The following FNDC7 variants were observed in gnomAD, a reference collection of about 807,000 sequenced individuals.
The protein encoded by FNDC7 is fibronectin type III domain-containing protein 7.
Under a neutral mutation model 74.2 loss-of-function variants are expected in FNDC7, and 66 were observed. The ratio of observed to expected loss-of-function variants is 0.89; its 90% confidence interval spans 0.73 to 1.09. The LOEUF is 1.09. Among genes scored for constraint, FNDC7 ranks in the 50% least tolerant of loss-of-function variants. The pLI is 0.00. For synonymous variants in FNDC7, 307 were observed against 330.2 expected, an observed-to-expected ratio of 0.93 and a Z score of 0.76; for missense variants, 829 against 893.4, an observed-to-expected ratio of 0.93 and a Z score of 0.92.
At chr1:108,713,363 GT>G in intron 1 of FNDC7, 147 bp from the exon 2 acceptor site, 1 of 701,380 alleles carries the variant, frequency 1.4e-6, no homozygotes, top group Non-Finnish European at 2.5e-6. Context: ...AATGATTTGT[GT>G]GGAGAAATAC....
chr1:108,728,586 T>C (rs1484078708), intron 7 of FNDC7, 46 bp from the exon 8 acceptor site: 2 of 1,605,930 alleles, frequency 1.2e-6, no homozygotes, highest in African/African-American at 1.3e-5. Context: ...GCACATGTGA[T>C]ATTTTTGACT....
Position 108,712,997 on chromosome 1 carries a change from G to C in FNDC7, c.63+1G>C, listed in dbSNP as rs1660903368. 6.4e-7 allele frequency: 1 copy of C among 1,550,666 alleles called. No individual in the cohort carries two copies. The highest frequency in any genetic ancestry group is 2.0e-5 in the Admixed American group (1 of 50,992). On this transcript the variant is annotated splice_donor_variant, in intron 1 of 12. Transcript: ENST00000370017. LOFTEE classifies it high-confidence loss of function. ...ATTCATTCTTATCTGTCTTAAAATGGTGAGTTCATCATTCCAACTACCCAC... is the reference window on the plus strand; with the variant it reads ...ATTCATTCTTATCTGTCTTAAAATGCTGAGTTCATCATTCCAACTACCCAC...
intron 4 of FNDC7, 66 bp from the exon 5 acceptor site, chr1:108,722,269 G>A: frequency 7.0e-7 from 1 of 1,430,712 alleles, no homozygotes; most frequent in East Asian, 2.5e-5. Flanking sequence ...CTGCAACATT[G>A]TTATGCCAAC....
intron 10 of FNDC7, 137 bp downstream of exon 10, chr1:108,733,669 T>C (rs1451639502): frequency 3.7e-6 from 3 of 821,790 alleles, no homozygotes; most frequent in Non-Finnish European, 5.4e-6. Flanking sequence ...TTTTTTTTTT[T>C]TGAGACAGTC....
Position 108,728,668 on chromosome 1 carries a change from A to G in FNDC7, c.1406A>G (p.Asp469Gly). ...CSPEIKNVSR[D>G]AFSMINVHWR... ...CCTGAAATAAAAAATGTTTCAAGGG[A>G]TGCATTCTCCATGATTAATGTGCAC... Residue 469 changes from aspartate to glycine, a missense_variant, in exon 8 of 13, where the codon GAT becomes GGT. Coordinates refer to ENST00000370017, the MANE Select transcript of FNDC7 (RefSeq NM_001144937.3). 2 of 1,614,246 alleles carry G rather than the reference A, an allele frequency of 1.2e-6. No homozygotes were observed. The highest frequency in any genetic ancestry group is 1.7e-6 in the Non-Finnish European group (2 of 1,180,036).
chr1:108,727,825 G>T lies in FNDC7; in HGVS notation c.1129G>T (p.Asp377Tyr). 6.2e-7 allele frequency: 1 copy of T among 1,614,110 alleles called. No homozygotes were observed. The highest frequency in any genetic ancestry group is 1.1e-5 in the South Asian group (1 of 91,076). Residue 377 changes from aspartate to tyrosine, a missense_variant, in exon 7 of 13, where the codon GAC (aspartate) becomes TAC (tyrosine). By Grantham distance (160) the Asp-to-Tyr change is radical (BLOSUM62 -3). Transcript: ENST00000370017. ...GCTTTCAGCTCCCTGTTGTCCTAGTGACATTAACCCCGTGTTGGTGTCCAG... is the reference window on the plus strand; with the variant it reads ...GCTTTCAGCTCCCTGTTGTCCTAGTTACATTAACCCCGTGTTGGTGTCCAG... ...NYTTAPCCPS[D>Y]INPVLVSSDR...
Position 108,728,951 on chromosome 1 carries a change from T to C in FNDC7, c.1624+65T>C, listed in dbSNP as rs76130783. ...GGTCCTTATGGAGTGTTTCAAGACA[T>C]GAACTTCCTTATTTAATCTACCCTC... On this transcript the variant is annotated intron_variant, in intron 8 of 12. Coordinates refer to ENST00000370017, the MANE Select transcript of FNDC7 (RefSeq NM_001144937.3). 2.0e-3 allele frequency: 3,150 copies of C among 1,566,844 alleles called. 44 individuals carry two copies. The African/African-American group carries it at 0.037, about 19-fold the overall frequency.
chr1:108,736,897 G>C (rs1661527825), intron 10 of FNDC7, among the ~76,000 whole-genome samples: 1 of 151,758 alleles, frequency 6.6e-6, no homozygotes, highest in Admixed American at 6.6e-5. Context: ...CCATGTGCCA[G>C]GCACTGTTCT....
At chr1:108,726,804 G>A (rs1661228884) in intron 6 of FNDC7, among the ~76,000 whole-genome samples, 1 of 152,190 alleles carries the variant, frequency 6.6e-6, no homozygotes, top group Non-Finnish European at 1.5e-5. Context: ...TAAAAGTCTA[G>A]CTGAATTACA....
At chr1:108,713,434 C>G in intron 1 of FNDC7, 77 bp from the exon 2 acceptor site, 1 of 1,200,040 alleles carries the variant, frequency 8.3e-7, no homozygotes, top group Non-Finnish European at 1.2e-6. Flanking sequence ...AATTTATTAC[C>G]GCTTTTATTC....
At chr1:108,730,529 A>AAAGG (rs1173208330) in intron 8 of FNDC7, 145 bp from the exon 9 acceptor site, 11 of 939,800 alleles carry the variant, frequency 1.2e-5, no homozygotes, top group Non-Finnish European at 1.5e-5. Flanking sequence ...GGAATGAACA[A>AAAGG]AAGGAAATTT....
chr1:108,742,072 C>G lies in FNDC7; in HGVS notation c.*185C>G. On this transcript the variant is annotated 3_prime_UTR_variant, in exon 13 of 13. Transcript: ENST00000370017. ...AGGGCAAGGTCAGGTGTGTCCTCAC[C>G]TGCACAGCAGTTGGAGATCTGCTAT... 1 of 501,034 alleles carries G rather than the reference C, an allele frequency of 2.0e-6. No homozygotes were observed. Among genetic ancestry groups the G allele is most frequent in the Non-Finnish European group, 3.6e-6 (1 of 281,454 alleles). The allele number at this position is 501,034 out of a possible 1,614,324, so 31.0% of individuals were successfully genotyped here.
intron 10 of FNDC7, among the ~76,000 whole-genome samples, chr1:108,733,887 T>C (rs983001225): frequency 6.6e-6 from 1 of 152,010 alleles, no homozygotes; most frequent in Admixed American, 6.6e-5. Context: ...TGACCTCAGG[T>C]GATCCTCCTG....
intron 11 of FNDC7, among the ~76,000 whole-genome samples, chr1:108,739,533 C>T (rs1377906796): frequency 6.6e-6 from 1 of 152,174 alleles, no homozygotes; most frequent in Non-Finnish European, 1.5e-5. Context: ...TAGAAATGTA[C>T]AGTCTTGGGC....
intron 3 of FNDC7, among the ~76,000 whole-genome samples, chr1:108,718,351 GCA>G (rs771931966): frequency 0.021 from 3,129 of 152,330 alleles, 39 homozygotes; most frequent in Admixed American, 0.035. Context: ...GGATTTTGCT[GCA>G]CTCTGACCGT....
chr1:108,740,618 G>C (rs929340792), intron 11 of FNDC7, among the ~76,000 whole-genome samples: 3 of 152,032 alleles, frequency 2.0e-5, no homozygotes, highest in Admixed American at 2.0e-4. Context: ...GTGAGCCACC[G>C]CACCGGCCAT....
At chr1:108,732,707 T>C (rs1033171042) in intron 9 of FNDC7, among the ~76,000 whole-genome samples, 15 of 152,084 alleles carry the variant, frequency 9.9e-5, no homozygotes, top group African/African-American at 3.6e-4. Flanking sequence ...TCTCTCTTTC[T>C]TTCTTTCCCT....
chr1:108,730,793 C>G lies in FNDC7; in HGVS notation c.1744C>G (p.Gln582Glu). Residue 582 changes from glutamine (Q) to glutamate (E), a missense_variant, in exon 9 of 13, where the codon CAG becomes GAG. Coordinates refer to ENST00000370017, the MANE Select transcript of FNDC7 (RefSeq NM_001144937.3). Reference protein sequence around the residue: ...HVAVLESHTGQSKCHTHQNHC... With the variant: ...HVAVLESHTGESKCHTHQNHC... ...TGCAGTTCTGGAGTCACACACTGGACAGTCTAAGTGTCACACTCATCAAAA... is the reference window on the plus strand; with the variant it reads ...TGCAGTTCTGGAGTCACACACTGGAGAGTCTAAGTGTCACACTCATCAAAA... The G allele has an allele frequency of 6.2e-7, 1 of 1,614,086 alleles. No individual in the cohort carries two copies. Among genetic ancestry groups the G allele is most frequent in the Non-Finnish European group, 8.5e-7 (1 of 1,180,004 alleles).
Position 108,725,833 on chromosome 1 carries a change from GACT to G in FNDC7, c.945_947del (p.Tyr316del), listed in dbSNP as rs754484891. The G allele has an allele frequency of 6.4e-7, 1 of 1,567,596 alleles. No homozygotes were observed. The highest frequency in any genetic ancestry group is 1.4e-5 in the African/African-American group (1 of 72,124). ...GGCTTGGTCCAGTGTAGATCTGGGT[GACT>G]ACTATGTGGTCTTTGTGAAGAGTGA... On this transcript the variant is annotated inframe_deletion, in exon 6 of 13. Transcript: ENST00000370017.
Sources: allele counts gnomAD v4.1 joint callset (sites outside exome capture counted in the v4.1 genomes callset), GRCh38; gene constraint gnomAD v4.1.1; transcripts MANE v1.5; gene names NCBI Gene and HGNC (gene_info 2026-07-23, HGNC 2026-07-21).